SPAG17: variants seen among roughly 807,000 people sequenced by gnomAD.
SPAG17 encodes the protein sperm-associated antigen 17.
Under a neutral mutation model 273.6 loss-of-function variants are expected in SPAG17, and 169 were observed. The observed-to-expected ratio is 0.62, with a 90% CI of 0.55 to 0.70. SPAG17 has a LOEUF of 0.70. SPAG17 is among the 30% of genes least tolerant of loss of function. The pLI is 0.00. For missense variants in SPAG17, 2,557 were observed against 2,627.8 expected (o/e 0.97, Z 0.59); for synonymous variants, 825 against 873.2 (o/e 0.94, Z 0.97).
At chr1:118,121,265 G>A (rs141460860) in intron 3 of SPAG17, among the ~76,000 whole-genome samples, 3 of 152,284 alleles carry the variant, frequency 2.0e-5, no homozygotes, top group Non-Finnish European at 4.4e-5. Context: ...TCTGTATTGC[G>A]GGAGAGGAGT....
chr1:118,146,107 A>C (rs1257939439), intron 3 of SPAG17, among the ~76,000 whole-genome samples: 1 of 152,120 alleles, frequency 6.6e-6, no homozygotes, highest in Non-Finnish European at 1.5e-5. Flanking sequence ...GGATAAGTAA[A>C]CCCCTATCAA....
At chr1:118,102,511 A>G (rs1040975956) in intron 4 of SPAG17, among the ~76,000 whole-genome samples, 5 of 152,226 alleles carry the variant, frequency 3.3e-5, no homozygotes, top group Non-Finnish European at 5.9e-5. Context: ...TTATAATCCT[A>G]CTGAAGAATG....
intron 10 of SPAG17, among the ~76,000 whole-genome samples, chr1:118,090,761 C>A (rs565787619): frequency 6.6e-6 from 1 of 152,026 alleles, no homozygotes; most frequent in Admixed American, 6.6e-5. Context: ...GTGGTGCATG[C>A]TTGTAGTTCT....
chr1:117,989,332 C>T (rs995199126), intron 38 of SPAG17, among the ~76,000 whole-genome samples: 1 of 152,024 alleles, frequency 6.6e-6, no homozygotes, highest in Non-Finnish European at 1.5e-5. Context: ...GCTACTTCCA[C>T]TCATGGAAAT....
At chr1:118,068,159 T>C (rs1339972523) in intron 17 of SPAG17, among the ~76,000 whole-genome samples, 1 of 150,374 alleles carries the variant, frequency 6.7e-6, no homozygotes, top group Non-Finnish European at 1.5e-5. Context: ...ATAATATATA[T>C]ATATATAACA....
intron 23 of SPAG17, 23 bp downstream of exon 23, chr1:118,039,269 G>T (rs1157271723): frequency 6.2e-7 from 1 of 1,607,166 alleles, no homozygotes; most frequent in Non-Finnish European, 8.5e-7. Context: ...TCAGAAGAAA[G>T]AAACCACTAA....
At chr1:118,127,140 T>C (rs1460250098) in intron 3 of SPAG17, among the ~76,000 whole-genome samples, 2 of 152,242 alleles carry the variant, frequency 1.3e-5, no homozygotes, top group Non-Finnish European at 2.9e-5. Flanking sequence ...TTGTTCTTTT[T>C]GCTTAGTATC....
At chr1:118,110,004 G>A (rs1417492185) in intron 4 of SPAG17, among the ~76,000 whole-genome samples, 1 of 152,112 alleles carries the variant, frequency 6.6e-6, no homozygotes, top group African/African-American at 2.4e-5. Flanking sequence ...TTTTTTAAAT[G>A]GAGAACTAGG....
rs777457878 is a variant in SPAG17, at chr1:117,971,897, C to T, written c.6292G>A (p.Val2098Ile). ...TCCACTCCAACATTCTTGAGCTTTA[C>T]AACTGTGGCATAGGTATGTCCTTCC... The part of the protein sequence containing the change: ...LKEGHTYATV[V>I]KLKNVGVDFC... Residue 2098 changes from valine (V) to isoleucine (I), a missense_variant, in exon 45 of 49, where the codon GTA (valine) becomes ATA (isoleucine). Coordinates refer to ENST00000336338, the MANE Select transcript of SPAG17 (RefSeq NM_206996.4). 3 of 1,613,950 alleles carry T rather than the reference C, an allele frequency of 1.9e-6. No individual in the cohort carries two copies. In the South Asian group the frequency reaches 3.3e-5, roughly 18 times the overall value.
intron 28 of SPAG17, 42 bp from the exon 29 acceptor site, chr1:118,016,224 T>C (rs771726478): frequency 4.9e-6 from 7 of 1,441,342 alleles, no homozygotes; most frequent in African/African-American, 1.4e-5. Flanking sequence ...AATATAACTA[T>C]AGTATCAATT....
Position 118,086,777 on chromosome 1 carries a change from T to C in SPAG17, c.1505A>G (p.His502Arg), listed in dbSNP as rs759556155. ...CLSEREKKNL[H>R]DIFLSEEENE... ...TTCTTCTTCAGATAAAAATATGTCA[T>C]GAAGATTCTATGCAAATTGAAACAA... The change falls in exon 12 of 49, where the codon CAT (histidine) becomes CGT (arginine). Residue 502 changes from histidine (H) to arginine (R), a missense_variant. Physicochemically the swap from His to Arg is conservative, Grantham distance 29 (BLOSUM62 0). Transcript: ENST00000336338. 3.1e-6 allele frequency: 5 copies of C among 1,614,162 alleles called. No individual in the cohort carries two copies. The highest frequency in any genetic ancestry group is 2.2e-5 in the South Asian group (2 of 91,090).
chr1:118,105,358 A>C (rs760490157), intron 4 of SPAG17, among the ~76,000 whole-genome samples: 1 of 152,152 alleles, frequency 6.6e-6, no homozygotes, highest in Non-Finnish European at 1.5e-5. Flanking sequence ...TGAGATTGTT[A>C]ATTTTACATG....
chr1:117,983,782 T>C, intron 42 of SPAG17, 29 bp downstream of exon 42: 1 of 1,459,560 alleles, frequency 6.9e-7, no homozygotes, highest in Non-Finnish European at 9.5e-7. Flanking sequence ...GGACATTTAA[T>C]AGGAATATGT....
At chr1:117,999,035 G>A (rs185667369) in intron 32 of SPAG17, among the ~76,000 whole-genome samples, 14 of 147,732 alleles carry the variant, frequency 9.5e-5, no homozygotes, top group African/African-American at 3.0e-4. Context: ...CTGTGTCCAA[G>A]TGTTCTCATT....
At position 117,956,541 on chromosome 1, in the gene SPAG17, C is replaced by T. The variant is rs540807113; in HGVS notation, c.*1-2492G>A. The stretch of plus-strand genomic sequence containing the variant: ...AAGATTCTGTGTTTTAAAGATTTAA[C>T]TTTTCCTAATTAATAGGTTTGTAAT... On this transcript the variant is annotated intron_variant, in intron 48 of 48. Coordinates refer to ENST00000336338, the MANE Select transcript of SPAG17 (RefSeq NM_206996.4). Among the ~76,000 whole-genome samples the T allele has an allele frequency of 1.8e-3, 277 of 152,272 alleles. 1 individual carries two copies. The highest frequency in any genetic ancestry group is 6.5e-3 in the African/African-American group (272 of 41,556).
chr1:118,056,051 C>A, intron 18 of SPAG17, 137 bp from the exon 19 acceptor site: 1 of 611,684 alleles, frequency 1.6e-6, no homozygotes, highest in South Asian at 2.9e-5. Flanking sequence ...GTATTTTGTA[C>A]AAAATAGTCA....
At position 118,041,805 on chromosome 1, in the gene SPAG17, G is replaced by C. The variant is rs767149013; in HGVS notation, c.3052C>G (p.Pro1018Ala). Reference sequence around the variant, plus strand: ...AGTTTTACAGAATTGGAGTTTACCGGGTAAGTTATCTTAGGTTCTGGTTGG... The same window carrying C: ...AGTTTTACAGAATTGGAGTTTACCGCGTAAGTTATCTTAGGTTCTGGTTGG... ...PHQPEPKITY[P>A]FHGYNMGNIP... The change falls in exon 21 of 49, where the codon CCG becomes GCG. Residue 1018 changes from proline (P) to alanine (A), a missense_variant and splice_region_variant. Transcript: ENST00000336338. 12 of 1,608,258 alleles carry C rather than the reference G, an allele frequency of 7.5e-6. No individual in the cohort carries two copies. In the Admixed American group the frequency reaches 2.0e-4, roughly 27 times the overall value.
chr1:118,077,954 G>A (rs945845354), intron 15 of SPAG17, among the ~76,000 whole-genome samples: 1 of 152,160 alleles, frequency 6.6e-6, no homozygotes, highest in Non-Finnish European at 1.5e-5. Context: ...CTTGTATGTA[G>A]TTGAACAAAT....
chr1:118,047,395 C>T (rs1019491119), intron 20 of SPAG17, among the ~76,000 whole-genome samples: 10 of 152,298 alleles, frequency 6.6e-5, no homozygotes, highest in African/African-American at 2.4e-4. Context: ...ATCTGCAGAT[C>T]ACCCCTCCAT....
Sources: allele counts gnomAD v4.1 joint callset (sites outside exome capture counted in the v4.1 genomes callset), GRCh38; gene constraint gnomAD v4.1.1; transcripts MANE v1.5; gene names NCBI Gene and HGNC (gene_info 2026-07-23, HGNC 2026-07-21).